The following PKHD1 variants were observed in gnomAD, a reference collection of about 807,000 sequenced individuals.
PKHD1 encodes PKHD1 ciliary IPT domain containing fibrocystin/polyductin.
PKHD1 carries 291 observed loss-of-function variants against 412.0 expected under a neutral mutation model. The observed-to-expected ratio is 0.71, with a 90% CI of 0.64 to 0.78. The LOEUF (loss-of-function observed/expected upper bound fraction) is 0.78. PKHD1 is among the 30% of genes least tolerant of loss of function. The pLI, the probability that PKHD1 is intolerant of heterozygous loss-of-function variation, is 0.00. For missense variants in PKHD1, 4,825 were observed against 4,950.7 expected, an observed-to-expected ratio of 0.97 and a Z score of 0.76; for synonymous variants, 1,777 against 1,821.5, an observed-to-expected ratio of 0.98 and a Z score of 0.62.
intron 52 of PKHD1, among the ~76,000 whole-genome samples, chr6:51,821,061 AG>A (rs1366703514): frequency 6.6e-6 from 1 of 152,186 alleles, no homozygotes; most frequent in Non-Finnish European, 1.5e-5. Flanking sequence ...AACCCCAACC[AG>A]GGGGGTAAAA....
intron 60 of PKHD1, chr6:51,721,155 G>A (rs983112236): frequency 1.0e-6 from 1 of 953,176 alleles, no homozygotes; most frequent in African/African-American, 1.8e-5. Flanking sequence ...TGGGCACATG[G>A]GAGTTATTTA....
At chr6:51,861,974 T>C (rs1003876878) in intron 48 of PKHD1, among the ~76,000 whole-genome samples, 3 of 152,182 alleles carry the variant, frequency 2.0e-5, no homozygotes, top group Non-Finnish European at 2.9e-5. Flanking sequence ...ACGAGAACAC[T>C]GTTATTGAAG....
rs1312486714 is a variant in PKHD1, at chr6:51,771,946, C to T, written c.8642+756G>A. ...GTTCCTTTCCTTTACTTTTTGTTCA[C>T]TCTATTTTTCTTATACTATGAAGAT... is the stretch of plus-strand genomic sequence containing the variant. On this transcript the variant is annotated intron_variant, in intron 55 of 66. Transcript: ENST00000371117. Among the ~76,000 whole-genome samples the T allele has an allele frequency of 3.3e-5, 5 of 152,034 alleles. No homozygotes were observed. In the East Asian group the frequency reaches 9.6e-4, roughly 29 times the overall value.
At chr6:51,635,876 C>CGGGGGGGGGGGGGGGGGGGGGGGGGGG (rs1581768607) in intron 64 of PKHD1, among the ~76,000 whole-genome samples, 3 of 41,502 alleles carry the variant, frequency 7.2e-5, no homozygotes, top group Admixed American at 2.3e-4. Flanking sequence ...GGCGGGGGGC[C>CGGGGGGGGGGGGGGGGGGGGGGGGGGG]GGGGGCGGAT....
chr6:51,896,129 A>G (rs1779919130), intron 43 of PKHD1, among the ~76,000 whole-genome samples: 2 of 152,178 alleles, frequency 1.3e-5, no homozygotes, highest in Admixed American at 1.3e-4. Context: ...TTAGGTAAAC[A>G]AAGCAGCCCG....
chr6:51,938,675 C>T lies in PKHD1; in HGVS notation c.5909-4353G>A, dbSNP rs575631973. Reference sequence around the variant, plus strand: ...AAACCTGTTTGGTGGTCTCTTCACACAGACGCAAGTGAAATTTTGCTGCCA... The same window carrying T: ...AAACCTGTTTGGTGGTCTCTTCACATAGACGCAAGTGAAATTTTGCTGCCA... On this transcript the variant is annotated intron_variant, in intron 36 of 66. Coordinates refer to ENST00000371117, the MANE Select transcript of PKHD1 (RefSeq NM_138694.4). 6.9e-3 allele frequency among the ~76,000 whole-genome samples: 1,053 copies of T among 151,642 alleles called. 48 individuals carry two copies. The highest frequency in any genetic ancestry group is 0.012 in the Non-Finnish European group (780 of 67,726).
intron 52 of PKHD1, among the ~76,000 whole-genome samples, chr6:51,807,481 G>GTA (rs1295167915): frequency 0.032 from 1,760 of 55,754 alleles, 37 homozygotes; most frequent in South Asian, 0.11. Context: ...ATATATATAT[G>GTA]TATATGTGTG....
chr6:51,743,164 G>GT (rs1396572190), intron 60 of PKHD1, among the ~76,000 whole-genome samples: 1 of 152,076 alleles, frequency 6.6e-6, no homozygotes, highest in Non-Finnish European at 1.5e-5. Context: ...GGCCATGTGT[G>GT]AAGAATAGAC....
At chr6:51,841,382 C>CTCCTCCTCTCCTCTTCT (rs1770165917) in intron 50 of PKHD1, among the ~76,000 whole-genome samples, 1 of 120,446 alleles carries the variant, frequency 8.3e-6, no homozygotes, top group Non-Finnish European at 1.8e-5. Flanking sequence ...TTTCCTTTCT[C>CTCCTCCTCTCCTCTTCT]CTCCTCTCCT....
chr6:51,671,420 T>G (rs1237850041), intron 60 of PKHD1, among the ~76,000 whole-genome samples: 1 of 152,226 alleles, frequency 6.6e-6, no homozygotes. Flanking sequence ...AGCACTTCTC[T>G]GTATTGGTTA....
At chr6:51,671,310 A>G (rs9474049) in intron 60 of PKHD1, among the ~76,000 whole-genome samples, 4,860 of 151,996 alleles carry the variant, frequency 0.032, 280 homozygotes, top group African/African-American at 0.11. Context: ...ATCTTCCATC[A>G]CTGATACCCT....
chr6:52,071,100 G>A, intron 8 of PKHD1, 30 bp from the exon 9 acceptor site: 1 of 1,450,286 alleles, frequency 6.9e-7, no homozygotes, highest in African/African-American at 1.4e-5. Context: ...AGGTAAGAAT[G>A]ACCAGACAAC....
intron 43 of PKHD1, 72 bp from the exon 44 acceptor site, chr6:51,887,317 G>C: frequency 3.3e-6 from 3 of 911,316 alleles, no homozygotes; most frequent in Non-Finnish European, 5.5e-6. Context: ...AAAGACTCTT[G>C]TTTGTACTCA....
chr6:51,766,665 T>A (rs1308166064), intron 55 of PKHD1, among the ~76,000 whole-genome samples: 2 of 150,050 alleles, frequency 1.3e-5, no homozygotes, highest in Non-Finnish European at 3.0e-5. Context: ...CCTTCATCTG[T>A]ACTATTGTAT....
intron 37 of PKHD1, among the ~76,000 whole-genome samples, chr6:51,924,254 C>T (rs1785175392): frequency 6.6e-6 from 1 of 152,056 alleles, no homozygotes. Context: ...ATTTACTTAA[C>T]AAAGTTGAGT....
intron 37 of PKHD1, among the ~76,000 whole-genome samples, chr6:51,930,956 T>C (rs1786476542): frequency 6.6e-6 from 1 of 152,212 alleles, no homozygotes; most frequent in Non-Finnish European, 1.5e-5. Context: ...GTTACTCTGA[T>C]GAAAAGAGAT....
At chr6:51,638,104 C>T (rs548253175) in intron 64 of PKHD1, among the ~76,000 whole-genome samples, 2 of 152,244 alleles carry the variant, frequency 1.3e-5, no homozygotes, top group Admixed American at 6.5e-5. Context: ...GATTGACATG[C>T]TGAAACAATT....
chr6:51,903,799 A>G, intron 42 of PKHD1, 72 bp from the exon 43 acceptor site: 1 of 1,081,340 alleles, frequency 9.2e-7, no homozygotes, highest in Non-Finnish European at 1.4e-6. Flanking sequence ...CCTTGATTCT[A>G]CTAATACACA....
Position 51,659,173 on chromosome 6 carries a change from G to A in PKHD1, c.10953C>T (p.Pro3651=). Residue 3651 remains proline, a synonymous_variant, in exon 61 of 67, where the codon CCC becomes CCT. Coordinates refer to ENST00000371117, the MANE Select transcript of PKHD1 (RefSeq NM_138694.4). ...TTGAGATAGTTTCCACAGTCATTGG[G>A]GGTGAAGCCCTATGTGAGTTCATTT... ...MMEMNSHRAS[P]PMTVETISKV... The A allele has an allele frequency of 6.2e-7, 1 of 1,613,636 alleles. No individual in the cohort carries two copies. The highest frequency in any genetic ancestry group is 1.1e-5 in the South Asian group (1 of 91,074).
Sources: allele counts gnomAD v4.1 joint callset (sites outside exome capture counted in the v4.1 genomes callset), GRCh38; gene constraint gnomAD v4.1.1; transcripts MANE v1.5; gene names NCBI Gene and HGNC (gene_info 2026-07-23, HGNC 2026-07-21).